Variants in SEM1 observed in about 807,000 individuals in gnomAD.
SEM1 encodes the protein SEM1 26S proteasome subunit, also known as 26S proteasome complex subunit SEM1.
Under a neutral mutation model 12.7 loss-of-function variants are expected in SEM1, and 3 were observed. The observed-to-expected ratio is 0.24, with a 90% CI of 0.11 to 0.61. The LOEUF (loss-of-function observed/expected upper bound fraction) is 0.61, where lower values mean the gene tolerates loss of function less well. Among genes scored for constraint, SEM1 ranks in the 20% least tolerant of loss-of-function variants. The pLI is 0.88. For synonymous variants in SEM1, 30 were observed against 27.8 expected, an observed-to-expected ratio of 1.08 and a Z score of -0.25; for missense variants, 59 against 81.3, an observed-to-expected ratio of 0.73 and a Z score of 1.06.
chr7:96,544,762 A>G (rs1177084758), intron 2 of SEM1, among the ~76,000 whole-genome samples: 1 of 152,020 alleles, frequency 6.6e-6, no homozygotes, highest in East Asian at 1.9e-4. Flanking sequence ...CAATAAACTA[A>G]GCTAGAGAAC....
chr7:96,653,372 C>G (rs2116466415), intron 2 of SEM1, among the ~76,000 whole-genome samples: 1 of 152,318 alleles, frequency 6.6e-6, no homozygotes, highest in South Asian at 2.1e-4. Flanking sequence ...TTGGGATCTA[C>G]AGAGATAATT....
At chr7:96,676,875 TAC>T (rs796781970) in intron 2 of SEM1, among the ~76,000 whole-genome samples, 8 of 152,354 alleles carry the variant, frequency 5.3e-5, no homozygotes, top group African/African-American at 1.9e-4. Context: ...TCTTTTCCTT[TAC>T]AGAGTTTCCT....
At chr7:96,569,446 G>A (rs1805950750) in intron 2 of SEM1, among the ~76,000 whole-genome samples, 2 of 152,048 alleles carry the variant, frequency 1.3e-5, no homozygotes, top group African/African-American at 4.8e-5. Flanking sequence ...AAGTCTATGT[G>A]TGTTTAAAAA....
At chr7:96,497,715 T>C (rs2117249853), upstream of SEM1, among the ~76,000 whole-genome samples, 1 of 152,222 alleles carries the variant, frequency 6.6e-6, no homozygotes, top group East Asian at 1.9e-4. Context: ...TTTTTAGACA[T>C]TGGACAGTAG....
intron 2 of SEM1, among the ~76,000 whole-genome samples, chr7:96,647,868 T>A (rs1308761956): frequency 6.6e-6 from 1 of 152,210 alleles, no homozygotes; most frequent in African/African-American, 2.4e-5. Flanking sequence ...TATTTAGCAC[T>A]TTGTAAAACA....
At position 96,531,243 on chromosome 7, in the gene SEM1, G is replaced by A. The variant is rs188700170; in HGVS notation, c.171-24545C>T. On this transcript the variant is annotated intron_variant and NMD_transcript_variant, in intron 2 of 3. Coordinates refer to the SEM1 transcript ENST00000466986. ...GGAAAAATATGAATGAAGATTCTTT[G>A]AGTGAGATCAAGGCTCATGGCTTTA... Among the ~76,000 whole-genome samples the A allele has an allele frequency of 2.1e-3, 323 of 151,994 alleles. 8 individuals carry two copies. Among genetic ancestry groups the A allele is most frequent in the Admixed American group, 0.021 (318 of 15,248 alleles).
intron 2 of SEM1, among the ~76,000 whole-genome samples, chr7:96,511,992 C>T (rs1803948100): frequency 6.6e-6 from 1 of 152,158 alleles, no homozygotes; most frequent in South Asian, 2.1e-4. Context: ...TTCTGAAAAG[C>T]TTTGAGGTGC....
intron 2 of SEM1, among the ~76,000 whole-genome samples, chr7:96,594,003 T>C (rs890591352): frequency 4.6e-5 from 7 of 152,182 alleles, no homozygotes; most frequent in African/African-American, 1.7e-4. Flanking sequence ...TTAACAATTT[T>C]CAAATCAATA....
At chr7:96,631,343 C>T (rs1326260107) in intron 2 of SEM1, among the ~76,000 whole-genome samples, 2 of 152,116 alleles carry the variant, frequency 1.3e-5, no homozygotes, top group Admixed American at 6.6e-5. Flanking sequence ...ATTAAATGCT[C>T]CCTCCATGGG....
At chr7:96,572,275 A>G (rs12534177) in intron 2 of SEM1, among the ~76,000 whole-genome samples, 6,358 of 152,112 alleles carry the variant, frequency 0.042, 193 homozygotes, top group Admixed American at 0.087. Flanking sequence ...TCATGTCTCT[A>G]TCTTCTTCAG....
At chr7:96,503,859 A>G (rs1803657331) in intron 3 of SEM1, among the ~76,000 whole-genome samples, 1 of 152,114 alleles carries the variant, frequency 6.6e-6, no homozygotes, top group South Asian at 2.1e-4. Context: ...TTCAGCTAGA[A>G]GAGTAAGGGA....
intron 2 of SEM1, among the ~76,000 whole-genome samples, chr7:96,607,740 G>A (rs1295661772): frequency 6.6e-6 from 1 of 152,114 alleles, no homozygotes; most frequent in Non-Finnish European, 1.5e-5. Context: ...TCCCTATGTA[G>A]AACCTGCCTT....
At chr7:96,687,310 T>C (rs561845111), downstream of SEM1, among the ~76,000 whole-genome samples, 7 of 152,262 alleles carry the variant, frequency 4.6e-5, no homozygotes, top group East Asian at 3.9e-4. Flanking sequence ...GACTATAAAT[T>C]ATGCTGCTAT....
At chr7:96,667,670 A>T (rs1408157603) in intron 2 of SEM1, among the ~76,000 whole-genome samples, 2 of 152,252 alleles carry the variant, frequency 1.3e-5, no homozygotes, top group Admixed American at 6.5e-5. Flanking sequence ...AGATGGAAGC[A>T]GAAGAATCTT....
chr7:96,492,110 G>T (rs1210054196), intron 1 of SEM1, among the ~76,000 whole-genome samples: 2 of 152,090 alleles, frequency 1.3e-5, no homozygotes, highest in East Asian at 3.9e-4. Flanking sequence ...AGCCATTGTT[G>T]AGTATACATT....
chr7:96,496,329 T>G (rs749849956), exon 1 of SEM1: 1 of 1,491,362 alleles, frequency 6.7e-7, no homozygotes, highest in South Asian at 1.2e-5. Context: ...CATCATCTGA[T>G]GTATTTGTTT....
chr7:96,522,527 A>G (rs1339879133), intron 2 of SEM1, among the ~76,000 whole-genome samples: 9 of 151,326 alleles, frequency 5.9e-5, no homozygotes, highest in Admixed American at 5.9e-4. Flanking sequence ...GACTACTGCC[A>G]TGCCAGGTCC....
At chr7:96,699,131 T>C (rs1322390702) in intron 1 of SEM1, among the ~76,000 whole-genome samples, 1 of 152,154 alleles carries the variant, frequency 6.6e-6, no homozygotes, top group African/African-American at 2.4e-5. Context: ...AACTTCACCA[T>C]GCATATTCTT....
chr7:96,660,661 CCA>C (rs1029894255), intron 2 of SEM1, among the ~76,000 whole-genome samples: 3 of 151,928 alleles, frequency 2.0e-5, no homozygotes, highest in African/African-American at 7.3e-5. Flanking sequence ...CTAGTGAAAC[CCA>C]CACAGTTTAA....
Sources: allele counts gnomAD v4.1 joint callset (sites outside exome capture counted in the v4.1 genomes callset), GRCh38; gene constraint gnomAD v4.1.1; transcripts MANE v1.5; gene names NCBI Gene and HGNC (gene_info 2026-07-23, HGNC 2026-07-21).